Variants in CALN1 observed in about 807,000 individuals in gnomAD.
CALN1 encodes the protein calneuron 1.
CALN1 carries 17 observed loss-of-function variants against 30.6 expected under a neutral mutation model. The ratio of observed to expected loss-of-function variants is 0.56; its 90% CI spans 0.38 to 0.83. The LOEUF is 0.83. Among genes scored for constraint, CALN1 ranks in the 40% least tolerant of loss-of-function variants. The probability of loss-of-function intolerance (pLI) is 0.00; values close to 1 mark genes in which losing one functional copy is unlikely to be tolerated. For missense variants in CALN1, 291 were observed against 354.9 expected, an observed-to-expected ratio of 0.82 and a Z score of 1.45; for synonymous variants, 156 against 131.4, an observed-to-expected ratio of 1.19 and a Z score of -1.28.
At chr7:71,823,445 A>C (rs560454728) in intron 5 of CALN1, among the ~76,000 whole-genome samples, 2 of 152,292 alleles carry the variant, frequency 1.3e-5, no homozygotes, top group African/African-American at 2.4e-5. Context: ...TTGGGCCGGG[A>C]GCGGTGGCTC....
intron 1 of CALN1, among the ~76,000 whole-genome samples, chr7:72,428,549 G>A (rs947961607): frequency 1.3e-5 from 2 of 151,940 alleles, no homozygotes; most frequent in African/African-American, 2.4e-5. Context: ...ATGCCATCAC[G>A]TCCAGCTAAT....
intron 4 of CALN1, among the ~76,000 whole-genome samples, chr7:72,024,283 C>T (rs1423205413): frequency 6.6e-6 from 1 of 152,212 alleles, no homozygotes; most frequent in Non-Finnish European, 1.5e-5. Context: ...TTCCTAGCTA[C>T]GATTCTGTTA....
chr7:72,014,445 A>G (rs540543543), intron 5 of CALN1, among the ~76,000 whole-genome samples: 1 of 152,184 alleles, frequency 6.6e-6, no homozygotes, highest in African/African-American at 2.4e-5. Context: ...TTTATTTTCC[A>G]TTCTGAGAAG....
intron 2 of CALN1, among the ~76,000 whole-genome samples, chr7:72,387,389 T>G (rs1317169050): frequency 1.3e-5 from 2 of 151,914 alleles, no homozygotes; most frequent in Non-Finnish European, 2.9e-5. Context: ...TCCTGTTTCT[T>G]AAGTGTAGTC....
chr7:72,404,715 T>G (rs921970387), intron 1 of CALN1, among the ~76,000 whole-genome samples: 2 of 152,178 alleles, frequency 1.3e-5, no homozygotes, highest in African/African-American at 4.8e-5. Flanking sequence ...GCCTGGGAAG[T>G]GGTCTCCTAT....
intron 2 of CALN1, among the ~76,000 whole-genome samples, chr7:72,304,821 T>C (rs1276392891): frequency 6.6e-6 from 1 of 152,212 alleles, no homozygotes; most frequent in Non-Finnish European, 1.5e-5. Flanking sequence ...TACTAGTTAT[T>C]GCTGAGTGAT....
At chr7:72,449,512 C>A (rs1808613507), upstream of CALN1, among the ~76,000 whole-genome samples, 1 of 152,154 alleles carries the variant, frequency 6.6e-6, no homozygotes, top group Admixed American at 6.5e-5. Context: ...TTTACCCCTG[C>A]CTGGTTCACA....
At chr7:72,049,020 G>T (rs889606599) in intron 4 of CALN1, among the ~76,000 whole-genome samples, 1 of 151,978 alleles carries the variant, frequency 6.6e-6, no homozygotes, top group East Asian at 1.9e-4. Context: ...TGTTACTCAG[G>T]CTGCTCTAGA....
At chr7:72,408,087 T>G (rs573616880) in intron 1 of CALN1, among the ~76,000 whole-genome samples, 1 of 151,988 alleles carries the variant, frequency 6.6e-6, no homozygotes, top group South Asian at 2.1e-4. Flanking sequence ...AAACATATAT[T>G]GAACACACAT....
intron 5 of CALN1, among the ~76,000 whole-genome samples, chr7:71,946,830 G>T (rs1796430701): frequency 6.6e-6 from 1 of 151,754 alleles, no homozygotes; most frequent in South Asian, 2.1e-4. Flanking sequence ...TGCCGTGAGT[G>T]ATGGCAAGGA....
intron 4 of CALN1, among the ~76,000 whole-genome samples, chr7:72,075,570 T>G (rs1340868681): frequency 6.6e-6 from 1 of 152,140 alleles, no homozygotes; most frequent in Non-Finnish European, 1.5e-5. Context: ...AAGTGCTCAG[T>G]AAACACTTTG....
intron 3 of CALN1, among the ~76,000 whole-genome samples, chr7:72,255,945 GT>G (rs1795882259): frequency 6.6e-6 from 1 of 151,822 alleles, no homozygotes; most frequent in African/African-American, 2.4e-5. Flanking sequence ...GGTCAGGCTG[GT>G]CTCAAACTCC....
chr7:72,182,680 A>C (rs539899765), intron 3 of CALN1, among the ~76,000 whole-genome samples: 110 of 151,950 alleles, frequency 7.2e-4, no homozygotes, highest in Non-Finnish European at 1.3e-3. Flanking sequence ...AGATCGTGCC[A>C]CTGCACTCCA....
chr7:71,782,000 T>A lies in CALN1; in HGVS notation c.*5775A>T, dbSNP rs1003261619. ...ATGTCTCTCGAGACCCTATGAAGAGTCCCAAATGAATATGAAGGAGAAACC... is the reference window on the plus strand; with the variant it reads ...ATGTCTCTCGAGACCCTATGAAGAGACCCAAATGAATATGAAGGAGAAACC... On this transcript the variant is annotated 3_prime_UTR_variant, in exon 7 of 7. Coordinates refer to ENST00000395275, the MANE Select transcript of CALN1 (RefSeq NM_031468.4). 6.6e-6 allele frequency: 1 copy of A among 152,060 alleles called. No individual in the cohort carries two copies. The highest frequency in any genetic ancestry group is 1.5e-5 in the Non-Finnish European group (1 of 68,032). 9.4% of individuals were successfully genotyped at this position (152,060 alleles called of 1,614,324 possible). A position where few individuals can be genotyped will look rare whatever the true frequency, so the allele number is the denominator to read the frequency against.
At chr7:71,964,738 T>A (rs1489090942) in intron 5 of CALN1, among the ~76,000 whole-genome samples, 1 of 152,152 alleles carries the variant, frequency 6.6e-6, no homozygotes, top group African/African-American at 2.4e-5. Context: ...ATATTTAACT[T>A]ATTGAACACT....
intron 3 of CALN1, among the ~76,000 whole-genome samples, chr7:72,217,874 G>A (rs971942135): frequency 8.9e-5 from 10 of 112,180 alleles, no homozygotes; most frequent in African/African-American, 3.2e-4. Flanking sequence ...ATGGAGTCCC[G>A]CTGTTTCATG....
intron 5 of CALN1, among the ~76,000 whole-genome samples, chr7:71,822,335 G>A (rs966840236): frequency 2.0e-5 from 3 of 151,962 alleles, no homozygotes; most frequent in Admixed American, 6.6e-5. Context: ...TGCAACCTCC[G>A]CCTCCCGGGT....
At chr7:72,489,333 G>A in the CALN1 span, among the ~76,000 whole-genome samples, 212 of 152,326 alleles carry the variant, frequency 1.4e-3, 2 homozygotes, top group South Asian at 2.1e-3. Flanking sequence ...TCCTGGCACA[G>A]TCTTATCTGT....
At chr7:72,312,563 G>C (rs1036801389) in intron 2 of CALN1, among the ~76,000 whole-genome samples, 1 of 152,050 alleles carries the variant, frequency 6.6e-6, no homozygotes, top group African/African-American at 2.4e-5. Flanking sequence ...TATACCTAGA[G>C]ATCCTCGTGC....
Sources: allele counts gnomAD v4.1 joint callset (sites outside exome capture counted in the v4.1 genomes callset), GRCh38; gene constraint gnomAD v4.1.1; transcripts MANE v1.5; gene names NCBI Gene and HGNC (gene_info 2026-07-23, HGNC 2026-07-21).